Variants in CSMD1 observed in about 807,000 individuals in gnomAD.
CSMD1 encodes the protein CUB and sushi domain-containing protein 1.
In CSMD1, 213 loss-of-function variants were observed where a neutral mutation model predicts 417.5. The ratio of observed to expected loss-of-function variants is 0.51; its 90% CI spans 0.46 to 0.57. The LOEUF (loss-of-function observed/expected upper bound fraction) is 0.57. CSMD1 is among the 20% of genes least tolerant of loss of function. The pLI is 0.00. For synonymous variants in CSMD1, 2,862 were observed against 1,736.8 expected (o/e 1.65, Z -16.11); for missense variants, 6,923 against 4,529.7 (o/e 1.53, Z -15.17).
chr8:3,803,299 C>G (rs1196949697), intron 5 of CSMD1, among the ~76,000 whole-genome samples: 1 of 152,140 alleles, frequency 6.6e-6, no homozygotes, highest in African/African-American at 2.4e-5. Context: ...GGTTTAGCAG[C>G]AGCTGGGTAG....
chr8:3,358,142 C>T (rs1403085366), intron 21 of CSMD1, among the ~76,000 whole-genome samples: 2 of 152,068 alleles, frequency 1.3e-5, no homozygotes, highest in Non-Finnish European at 2.9e-5. Flanking sequence ...TTTATATGGA[C>T]TGTTAAATTT....
At chr8:4,696,010 C>T (rs1002665448) in intron 1 of CSMD1, among the ~76,000 whole-genome samples, 35 of 152,296 alleles carry the variant, frequency 2.3e-4, no homozygotes, top group African/African-American at 7.7e-4. Context: ...GCTTACTGCA[C>T]ATTAGTCAGG....
At chr8:4,712,925 T>C (rs779225709) in intron 1 of CSMD1, among the ~76,000 whole-genome samples, 7 of 152,148 alleles carry the variant, frequency 4.6e-5, no homozygotes, top group Non-Finnish European at 8.8e-5. Context: ...TTGATTGACA[T>C]ACAAGTCTCG....
intron 5 of CSMD1, among the ~76,000 whole-genome samples, chr8:3,827,680 A>G (rs1413512290): frequency 2.0e-5 from 3 of 152,196 alleles, no homozygotes; most frequent in Non-Finnish European, 4.4e-5. Context: ...GATAAACCCA[A>G]TTTATTGACT....
At chr8:3,327,418 C>G (rs1052712780) in intron 23 of CSMD1, among the ~76,000 whole-genome samples, 1 of 152,202 alleles carries the variant, frequency 6.6e-6, no homozygotes, top group Non-Finnish European at 1.5e-5. Flanking sequence ...CAGGCATGAG[C>G]CACCTCGTCC....
chr8:3,239,731 C>A (rs573874103), intron 26 of CSMD1, among the ~76,000 whole-genome samples: 14 of 152,134 alleles, frequency 9.2e-5, no homozygotes, highest in Non-Finnish European at 1.6e-4. Context: ...TGGCGTGGGG[C>A]GATTAGGCCT....
chr8:3,622,479 AG>A (rs1367448067), intron 7 of CSMD1, among the ~76,000 whole-genome samples: 3 of 152,252 alleles, frequency 2.0e-5, no homozygotes, highest in African/African-American at 7.2e-5. Flanking sequence ...AGCAGTTAAA[AG>A]AAATGGCAGA....
rs117306220 is a variant in CSMD1, at chr8:4,907,205, C to G, written c.85+87127G>C. Among the ~76,000 whole-genome samples the G allele has an allele frequency of 2.7e-4, 41 of 152,294 alleles. 1 individual carries two copies. In the East Asian group the frequency reaches 7.7e-3, roughly 29 times the overall value. ...TTCTATTTTTTCCACAACTTTTACT[C>G]TCTTTGAAATCTTCCTAGTGAAAAG... On this transcript the variant is annotated intron_variant, in intron 1 of 69. Coordinates refer to ENST00000635120, the MANE Select transcript of CSMD1 (RefSeq NM_033225.6).
At chr8:3,118,881 A>C in intron 41 of CSMD1, among the ~76,000 whole-genome samples, 1 of 152,214 alleles carries the variant, frequency 6.6e-6, no homozygotes, top group East Asian at 1.9e-4. Flanking sequence ...GATGTAAATT[A>C]TTTAAGAAAG....
intron 26 of CSMD1, among the ~76,000 whole-genome samples, chr8:3,281,897 C>G (rs1037420871): frequency 4.6e-5 from 7 of 152,130 alleles, no homozygotes; most frequent in Non-Finnish European, 1.0e-4. Context: ...TCCCCCAGTG[C>G]TGTCTTCATG....
At chr8:4,816,126 C>A (rs1374253529) in intron 1 of CSMD1, among the ~76,000 whole-genome samples, 1 of 152,094 alleles carries the variant, frequency 6.6e-6, no homozygotes, top group Admixed American at 6.5e-5. Flanking sequence ...GAGCATCAGA[C>A]TTCAAGTTTG....
At chr8:4,738,903 T>TTGTGTGTGTGTGTGTGTGTGTG (rs34836566) in intron 1 of CSMD1, among the ~76,000 whole-genome samples, 4,781 of 147,446 alleles carry the variant, frequency 0.032, 97 homozygotes, top group Non-Finnish European at 0.045. Flanking sequence ...TTCTGTGTGT[T>TTGTGTGTGTGTGTGTGTGTGTG]TGTGTGTGTG....
At chr8:4,914,318 T>A (rs191870496) in intron 1 of CSMD1, among the ~76,000 whole-genome samples, 44 of 152,268 alleles carry the variant, frequency 2.9e-4, no homozygotes, top group African/African-American at 1.0e-3. Flanking sequence ...GGCTCACACC[T>A]GTAATCCCAA....
In CSMD1 at chr8:4,886,899, T is replaced by A. The variant is rs536111896; in HGVS notation, c.85+107433A>T. ...ATTGGAAAGTCTATTTAAGACTTTT[T>A]AAAAATATTTAGTCGATGTTACATA... On this transcript the variant is annotated intron_variant, in intron 1 of 69. Coordinates refer to ENST00000635120, the MANE Select transcript of CSMD1 (RefSeq NM_033225.6). Among the ~76,000 whole-genome samples, 175 of 152,180 alleles carry A rather than the reference T, an allele frequency of 1.1e-3. 3 individuals are homozygous for A. Among genetic ancestry groups the A allele is most frequent in the African/African-American group, 3.9e-3 (161 of 41,502 alleles).
intron 52 of CSMD1, among the ~76,000 whole-genome samples, chr8:3,014,045 A>G (rs919473383): frequency 6.6e-6 from 1 of 152,116 alleles, no homozygotes; most frequent in Non-Finnish European, 1.5e-5. Context: ...CATTGCAATT[A>G]TTTTATTTCT....
At chr8:3,994,936 C>T (rs1406033115) in intron 5 of CSMD1, among the ~76,000 whole-genome samples, 1 of 152,100 alleles carries the variant, frequency 6.6e-6, no homozygotes, top group African/African-American at 2.4e-5. Flanking sequence ...TGTATCTGCC[C>T]TCACTCCACT....
chr8:2,981,288 T>G (rs889135752), intron 54 of CSMD1, among the ~76,000 whole-genome samples: 1 of 152,228 alleles, frequency 6.6e-6, no homozygotes, highest in Non-Finnish European at 1.5e-5. Flanking sequence ...TCATTTTCTA[T>G]GTGAACAATT....
chr8:4,465,987 AAGACTG>A (rs1800143538), intron 2 of CSMD1, among the ~76,000 whole-genome samples: 1 of 152,216 alleles, frequency 6.6e-6, no homozygotes, highest in Non-Finnish European at 1.5e-5. Context: ...CAGATGGGAA[AAGACTG>A]AGACATTAAA....
intron 3 of CSMD1, among the ~76,000 whole-genome samples, chr8:4,054,481 T>A (rs1012864493): frequency 6.6e-6 from 1 of 152,144 alleles, no homozygotes; most frequent in African/African-American, 2.4e-5. Context: ...GACTGCATTT[T>A]GGAAGCTTTT....
Sources: allele counts gnomAD v4.1 joint callset (sites outside exome capture counted in the v4.1 genomes callset), GRCh38; gene constraint gnomAD v4.1.1; transcripts MANE v1.5; gene names NCBI Gene and HGNC (gene_info 2026-07-23, HGNC 2026-07-21).